ANKRD30A: variants seen among roughly 807,000 people sequenced by gnomAD.
The protein encoded by ANKRD30A is ankyrin repeat domain 30A, also known as ankyrin repeat domain-containing protein 30A.
In ANKRD30A, 170 loss-of-function variants were observed where a neutral mutation model predicts 166.3. The ratio of observed to expected loss-of-function variants is 1.02; its 90% confidence interval spans 0.90 to 1.16. The LOEUF (loss-of-function observed/expected upper bound fraction) is 1.16, where lower values mean the gene tolerates loss of function less well. ANKRD30A is among the 50% of genes most tolerant of loss of function. ANKRD30A has a pLI of 0.00. For missense variants in ANKRD30A, 1,630 were observed against 1,518.0 expected (o/e 1.07, Z -1.23); for synonymous variants, 564 against 508.9 (o/e 1.11, Z -1.46).
intron 6 of ANKRD30A, among the ~76,000 whole-genome samples, chr10:37,139,057 G>A (rs1194367444): frequency 3.9e-5 from 6 of 152,212 alleles, no homozygotes; most frequent in Admixed American, 3.3e-4. Context: ...CCAGAAGAGA[G>A]TGGGGGCCAA....
chr10:37,145,114 T>C (rs1445844297), intron 8 of ANKRD30A, 58 bp downstream of exon 8: 5 of 1,356,104 alleles, frequency 3.7e-6, no homozygotes, highest in Non-Finnish European at 5.1e-6. Flanking sequence ...GATGTGAAAA[T>C]ATAAAGTCAG....
In ANKRD30A at chr10:37,166,136, T is replaced by C. The variant is rs373820593; in HGVS notation, c.2065-469T>C. 3.3e-5 allele frequency among the ~76,000 whole-genome samples: 5 copies of C among 152,192 alleles called. No individual in the cohort carries two copies. In the East Asian group the frequency reaches 9.6e-4, roughly 29 times the overall value. On this transcript the variant is annotated intron_variant, in intron 18 of 35. Transcript: ENST00000361713. Reference sequence around the variant, plus strand: ...TGTACATACATTCTATGACAGACTCTAAAAGTTCTCATCATGACATGCATG... The same window carrying C: ...TGTACATACATTCTATGACAGACTCCAAAAGTTCTCATCATGACATGCATG...
At chr10:37,231,044 T>C (rs2132766556) in intron 34 of ANKRD30A, among the ~76,000 whole-genome samples, 1 of 152,160 alleles carries the variant, frequency 6.6e-6, no homozygotes, top group South Asian at 2.1e-4. Flanking sequence ...TGAGTGAAAA[T>C]GTACAAGAAA....
intron 8 of ANKRD30A, among the ~76,000 whole-genome samples, chr10:37,146,701 A>G (rs1837536158): frequency 6.6e-6 from 1 of 152,204 alleles, no homozygotes; most frequent in Non-Finnish European, 1.5e-5. Flanking sequence ...CAATACCCTT[A>G]GAGGGTAATT....
intron 31 of ANKRD30A, among the ~76,000 whole-genome samples, chr10:37,201,544 G>A (rs1841628205): frequency 6.6e-6 from 1 of 152,012 alleles, no homozygotes; most frequent in South Asian, 2.1e-4. Flanking sequence ...TTGAATTCAA[G>A]ATATTCCAAG....
intron 35 of ANKRD30A, among the ~76,000 whole-genome samples, 190 bp from the exon 36 acceptor site, chr10:37,232,309 A>G (rs1304511265): frequency 6.6e-6 from 1 of 151,688 alleles, no homozygotes; most frequent in African/African-American, 2.4e-5. Context: ...CAGTTTTTGT[A>G]AAGTGTCTAT....
chr10:37,197,611 G>C (rs375776666), intron 29 of ANKRD30A, 131 bp downstream of exon 29: 8 of 1,381,030 alleles, frequency 5.8e-6, no homozygotes, highest in Middle Eastern at 2.6e-4. Flanking sequence ...GCCAATACTG[G>C]TATTGATGTT....
In ANKRD30A at chr10:37,219,144, T is replaced by G; in HGVS notation, c.3432T>G (p.Ala1144=). 1 of 1,610,302 alleles carries G rather than the reference T, an allele frequency of 6.2e-7. No individual in the cohort carries two copies. The highest frequency in any genetic ancestry group is 8.5e-7 in the Non-Finnish European group (1 of 1,177,416). The change falls in exon 34 of 36, where the codon GCT becomes GCG. Residue 1144 remains alanine, a synonymous_variant. Coordinates refer to ENST00000361713, the MANE Select transcript of ANKRD30A (RefSeq NM_052997.3). ...EDIKILKEKN[A]ELQMTLKLKE... The stretch of plus-strand genomic sequence containing the variant: ...TTAAGATTTTAAAAGAAAAGAATGC[T>G]GAACTTCAGATGACCCTAAAACTGA...
chr10:37,231,203 T>G (rs1278056920), intron 34 of ANKRD30A, among the ~76,000 whole-genome samples: 1 of 151,932 alleles, frequency 6.6e-6, no homozygotes, highest in Non-Finnish European at 1.5e-5. Flanking sequence ...TATTTCTACA[T>G]AGTGAAATAG....
chr10:37,178,933 A>C (rs558493489), intron 24 of ANKRD30A, among the ~76,000 whole-genome samples: 26 of 150,336 alleles, frequency 1.7e-4, no homozygotes, highest in Admixed American at 4.6e-4. Context: ...TGCTCTGGAG[A>C]CTACTGGAAT....
intron 34 of ANKRD30A, among the ~76,000 whole-genome samples, chr10:37,221,170 T>A (rs1215043534): frequency 1.3e-5 from 2 of 150,760 alleles, no homozygotes; most frequent in African/African-American, 2.4e-5. Context: ...GAAGATAACA[T>A]CTTCTTGTCT....
At chr10:37,249,833 G>A in the ANKRD30A span, among the ~76,000 whole-genome samples, 3 of 152,182 alleles carry the variant, frequency 2.0e-5, no homozygotes. Flanking sequence ...GCATTGAAGG[G>A]TCAATATAGA....
intron 13 of ANKRD30A, among the ~76,000 whole-genome samples, chr10:37,154,619 A>T (rs1838225015): frequency 6.6e-6 from 1 of 152,130 alleles, no homozygotes; most frequent in African/African-American, 2.4e-5. Flanking sequence ...TGGGAAAAAA[A>T]TTTTCACAGG....
At chr10:37,249,881 G>A in the ANKRD30A span, among the ~76,000 whole-genome samples, 1 of 152,206 alleles carries the variant, frequency 6.6e-6, no homozygotes, top group Non-Finnish European at 1.5e-5. Context: ...GACCATTTTG[G>A]GGAAATGAGC....
chr10:37,129,807 G>T (rs746986985), intron 1 of ANKRD30A, 86 bp from the exon 2 acceptor site: 11 of 649,642 alleles, frequency 1.7e-5, no homozygotes, highest in Non-Finnish European at 1.6e-5. Flanking sequence ...AAAGAGCGTG[G>T]TATTTAATGT....
chr10:37,264,539 C>T, the ANKRD30A span: 1 of 455,802 alleles, frequency 2.2e-6, no homozygotes, highest in East Asian at 6.5e-5. Flanking sequence ...GTTCAGTCAT[C>T]TGGCTGTCTG....
chr10:37,238,817 CTCCT>C, the ANKRD30A span, among the ~76,000 whole-genome samples: 1 of 151,938 alleles, frequency 6.6e-6, no homozygotes, highest in South Asian at 2.1e-4. Flanking sequence ...CCAGTAAAGC[CTCCT>C]TCCTTTATCT....
At chr10:37,199,585 AG>A (rs1374040649) in intron 29 of ANKRD30A, 141 bp from the exon 30 acceptor site, 1 of 467,314 alleles carries the variant, frequency 2.1e-6, no homozygotes, top group African/African-American at 2.1e-5. Context: ...TATAGGAAGT[AG>A]TCATTGTAAT....
intron 8 of ANKRD30A, among the ~76,000 whole-genome samples, chr10:37,146,212 A>G (rs752346692): frequency 3.3e-5 from 5 of 152,286 alleles, no homozygotes; most frequent in Non-Finnish European, 7.3e-5. Context: ...TAACATAAAT[A>G]TAAGTTTTCC....
Sources: gnomAD v4.1 joint callset for allele counts (sites outside exome capture counted in the v4.1 genomes callset) on GRCh38, gnomAD v4.1.1 for gene constraint, MANE v1.5 for transcripts, NCBI Gene and HGNC (gene_info 2026-07-23, HGNC 2026-07-21) for gene names.